The following CFTR variants were observed in gnomAD, a reference collection of about 807,000 sequenced individuals.
CFTR encodes CF transmembrane conductance regulator.
Under a neutral mutation model 171.6 loss-of-function variants are expected in CFTR, and 181 were observed. The observed-to-expected ratio is 1.05, with a 90% CI of 0.93 to 1.19. CFTR has a LOEUF of 1.19. Ranked by LOEUF, CFTR falls within the 50% of genes most tolerant of loss-of-function variation. The pLI is 0.00. For synonymous variants in CFTR, 583 were observed against 608.0 expected (o/e 0.96, Z 0.60); for missense variants, 1,968 against 1,734.7 (o/e 1.13, Z -2.39).
intron 3 of CFTR, among the ~76,000 whole-genome samples, chr7:117,520,688 A>G (rs1221650797): frequency 6.6e-6 from 1 of 151,984 alleles, no homozygotes; most frequent in East Asian, 1.9e-4. Flanking sequence ...ATATCCAGTA[A>G]TGTAAACCCT....
intron 24 of CFTR, among the ~76,000 whole-genome samples, chr7:117,659,505 A>G (rs1026496262): frequency 6.6e-6 from 1 of 152,216 alleles, no homozygotes; most frequent in Non-Finnish European, 1.5e-5. Context: ...TGTGATTGAT[A>G]CACAGCAGGT....
intron 9 of CFTR, among the ~76,000 whole-genome samples, chr7:117,546,340 G>A (rs1021068991): frequency 1.3e-5 from 2 of 151,902 alleles, no homozygotes; most frequent in East Asian, 3.9e-4. Context: ...TCACTACGTT[G>A]CCCAGGCTGG....
At chr7:117,553,404 C>T (rs1227459836) in intron 10 of CFTR, among the ~76,000 whole-genome samples, 1 of 152,172 alleles carries the variant, frequency 6.6e-6, no homozygotes. Context: ...TCATTTAGCA[C>T]ATCTGCAATT....
intron 1 of CFTR, among the ~76,000 whole-genome samples, chr7:117,498,170 AT>A (rs1321963545): frequency 6.6e-6 from 1 of 152,154 alleles, no homozygotes; most frequent in South Asian, 2.1e-4. Flanking sequence ...GCAGCAAATA[AT>A]TAGTTCTCCA....
At chr7:117,649,316 GTA>G (rs1312189225) in intron 23 of CFTR, among the ~76,000 whole-genome samples, 6 of 147,854 alleles carry the variant, frequency 4.1e-5, no homozygotes, top group South Asian at 2.1e-4. Context: ...ATGTGTGTGT[GTA>G]TATATATATG....
At chr7:117,606,555 GC>G in intron 17 of CFTR, 118 bp from the exon 18 acceptor site, 1 of 685,086 alleles carries the variant, frequency 1.5e-6, no homozygotes, top group South Asian at 1.7e-5. Flanking sequence ...GATTCTATTT[GC>G]TAATTCTTAT....
intron 24 of CFTR, among the ~76,000 whole-genome samples, chr7:117,654,132 C>T (rs1282682263): frequency 1.3e-5 from 2 of 152,176 alleles, no homozygotes; most frequent in Non-Finnish European, 2.9e-5. Flanking sequence ...TGTGGCAGGT[C>T]TGTGCTCCAA....
At chr7:117,505,468 C>CATTTT (rs1798399235) in intron 2 of CFTR, among the ~76,000 whole-genome samples, 1 of 152,178 alleles carries the variant, frequency 6.6e-6, no homozygotes, top group African/African-American at 2.4e-5. Flanking sequence ...CACCTGGTGG[C>CATTTT]ATTTGCCTTA....
At position 117,642,507 on chromosome 7, in the gene CFTR, AC is replaced by A. The variant is rs1487240954; in HGVS notation, c.3788del (p.Thr1263MetfsTer15). 6.2e-7 allele frequency: 1 copy of A among 1,613,768 alleles called. No individual in the cohort carries two copies. The highest frequency in any genetic ancestry group is 1.7e-5 in the Admixed American group (1 of 59,972). Reference protein sequence around the residue: ...LLSAFLRLLNTEGEIQIDGVS... With the variant: ...LLSAFLRLLNXEGEIQIDGVS... ...ATCAGCTTTTTTGAGACTACTGAAC[AC>A]TGAAGGAGAAATCCAGATCGATGGT... On this transcript the variant is annotated frameshift_variant, in exon 23 of 27. Coordinates refer to ENST00000003084, the MANE Select transcript of CFTR (RefSeq NM_000492.4). LOFTEE classifies it high-confidence loss of function.
chr7:117,638,398 G>T (rs553983301), intron 22 of CFTR, among the ~76,000 whole-genome samples: 3 of 152,158 alleles, frequency 2.0e-5, no homozygotes, highest in East Asian at 3.9e-4. Context: ...ATAAGTGAAT[G>T]CATAGCTTAT....
intron 22 of CFTR, among the ~76,000 whole-genome samples, chr7:117,631,400 A>G (rs545380782): frequency 3.3e-5 from 5 of 152,136 alleles, no homozygotes; most frequent in Non-Finnish European, 7.4e-5. Flanking sequence ...CTATTTATGA[A>G]GTGGCTTTTG....
chr7:117,498,811 C>T (rs1798277476), intron 1 of CFTR, among the ~76,000 whole-genome samples: 2 of 149,532 alleles, frequency 1.3e-5, no homozygotes, highest in Non-Finnish European at 3.0e-5. Context: ...CTGTCTTCAA[C>T]ATTTGTTTTT....
intron 9 of CFTR, among the ~76,000 whole-genome samples, chr7:117,546,074 A>G (rs1218831577): frequency 6.6e-6 from 1 of 151,652 alleles, no homozygotes; most frequent in Non-Finnish European, 1.5e-5. Flanking sequence ...GCTCACTGGA[A>G]CCTCTGCTGC....
chr7:117,592,237 T>C lies in CFTR; in HGVS notation c.2070T>C (p.Thr690=). The part of the protein sequence containing the change: ...TETKKQSFKQ[T]GEFGEKRKNS... ...CAAAAAAACAATCTTTTAAACAGAC[T>C]GGAGAGTTTGGGGAAAAAAGGAAGA... Residue 690 remains threonine (T), a synonymous_variant, in exon 14 of 27, where the codon ACT becomes ACC. Transcript: ENST00000003084. 4 of 1,613,786 alleles carry C rather than the reference T, an allele frequency of 2.5e-6. No individual in the cohort carries two copies. Among genetic ancestry groups the C allele is most frequent in the Non-Finnish European group, 3.4e-6 (4 of 1,179,962 alleles).
intron 1 of CFTR, among the ~76,000 whole-genome samples, chr7:117,493,233 G>A (rs1051762385): frequency 6.6e-6 from 1 of 151,980 alleles, no homozygotes; most frequent in African/African-American, 2.4e-5. Context: ...TGAACATTTT[G>A]AATTCTTAAA....
intron 15 of CFTR, among the ~76,000 whole-genome samples, chr7:117,597,461 T>C: frequency 6.6e-6 from 1 of 152,204 alleles, no homozygotes; most frequent in East Asian, 1.9e-4. Flanking sequence ...GGAGTTGTCT[T>C]GGGCCACACA....
At chr7:117,563,737 TAA>T (rs1791553951) in intron 11 of CFTR, among the ~76,000 whole-genome samples, 1 of 152,162 alleles carries the variant, frequency 6.6e-6, no homozygotes, top group Admixed American at 6.6e-5. Context: ...TTGTTGACAA[TAA>T]GTTCCATTTA....
rs141158996 is a variant in CFTR at position 117,592,658 on chromosome 7, G to A, written c.2490+1G>A. On this transcript the variant is annotated splice_donor_variant, in intron 14 of 26. Coordinates refer to ENST00000003084, the MANE Select transcript of CFTR (RefSeq NM_000492.4). LOFTEE classifies it high-confidence loss of function. ...AGAAATTAACGAAGAAGACTTAAAG[G>A]TAGGTATACATCGCTTGGGGGTATT... is the stretch of plus-strand genomic sequence containing the variant. 1.7e-5 allele frequency: 26 copies of A among 1,537,676 alleles called. No homozygotes were observed. The highest frequency in any genetic ancestry group is 2.1e-5 in the Non-Finnish European group (24 of 1,149,760).
intron 1 of CFTR, among the ~76,000 whole-genome samples, chr7:117,490,717 T>C (rs1466637749): frequency 6.6e-6 from 1 of 152,106 alleles, no homozygotes; most frequent in Non-Finnish European, 1.5e-5. Context: ...ATAGGGCGTC[T>C]TTAATAAATG....
Sources: allele counts gnomAD v4.1 joint callset (sites outside exome capture counted in the v4.1 genomes callset), GRCh38; gene constraint gnomAD v4.1.1; transcripts MANE v1.5; gene names NCBI Gene and HGNC (gene_info 2026-07-23, HGNC 2026-07-21).